Variants in ITPR1 observed in about 807,000 individuals in gnomAD.
ITPR1 encodes the protein inositol 1,4,5-trisphosphate-gated calcium channel ITPR1.
Under a neutral mutation model 318.4 loss-of-function variants are expected in ITPR1, and 96 were observed. The ratio of observed to expected loss-of-function variants is 0.30; its 90% CI spans 0.26 to 0.36. The LOEUF is 0.36. ITPR1 is among the 10% of genes least tolerant of loss of function. The pLI is 1.00. For missense variants in ITPR1, 2,440 were observed against 3,460.2 expected (o/e 0.71, Z 7.40); for synonymous variants, 1,312 against 1,289.9 (o/e 1.02, Z -0.37).
At chr3:4,498,737 A>T (rs147414634) in intron 2 of ITPR1, among the ~76,000 whole-genome samples, 1 of 152,374 alleles carries the variant, frequency 6.6e-6, no homozygotes, top group African/African-American at 2.4e-5. Context: ...TTTGACAAAT[A>T]GGTGAACGTA....
At position 4,645,743 on chromosome 3, in the gene ITPR1, G is replaced by C. The variant is rs372994951; in HGVS notation, c.855+15G>C. 1.6e-4 allele frequency: 251 copies of C among 1,610,310 alleles called. 1 individual carries two copies. The African/African-American group carries it at 3.0e-3, about 19-fold the overall frequency. On this transcript the variant is annotated intron_variant, in intron 10 of 61. Transcript: ENST00000649015. Reference sequence around the variant, plus strand: ...GGGAGGTGGAGGTAAGGGTAGGGTGGAGAAAGGGCTCCTGGGTTTAGAGGA... The same window carrying C: ...GGGAGGTGGAGGTAAGGGTAGGGTGCAGAAAGGGCTCCTGGGTTTAGAGGA...
chr3:4,582,029 A>C (rs950151395), intron 4 of ITPR1, among the ~76,000 whole-genome samples: 1 of 152,074 alleles, frequency 6.6e-6, no homozygotes, highest in Non-Finnish European at 1.5e-5. Context: ...TACGCCTTTA[A>C]AAATTTTAGC....
intron 4 of ITPR1, among the ~76,000 whole-genome samples, chr3:4,565,172 G>T (rs904583833): frequency 6.6e-6 from 1 of 152,128 alleles, no homozygotes. Context: ...TCTGGAGTTT[G>T]TTCTGTGAGC....
At chr3:4,754,049 G>A (rs977720830) in intron 44 of ITPR1, among the ~76,000 whole-genome samples, 4 of 70,080 alleles carry the variant, frequency 5.7e-5, no homozygotes, top group Non-Finnish European at 1.2e-4. Flanking sequence ...CACAGAAAAT[G>A]GGGGGGGGGT....
intron 60 of ITPR1, among the ~76,000 whole-genome samples, chr3:4,823,129 G>A (rs1168096783): frequency 6.6e-6 from 1 of 152,194 alleles, no homozygotes; most frequent in African/African-American, 2.4e-5. Flanking sequence ...GAAAGGCCAT[G>A]CTATTGGAGC....
chr3:4,604,077 A>G (rs2091512468), intron 4 of ITPR1, among the ~76,000 whole-genome samples: 1 of 152,084 alleles, frequency 6.6e-6, no homozygotes, highest in Non-Finnish European at 1.5e-5. Flanking sequence ...GCATTTCTTC[A>G]GTGATTAGTG....
rs765881141 is a variant in ITPR1 at position 4,768,617 on chromosome 3, C to G, written c.5832C>G (p.Pro1944=). 2 of 1,613,974 alleles carry G rather than the reference C, an allele frequency of 1.2e-6. No homozygotes were observed. Among genetic ancestry groups the G allele is most frequent in the Admixed American group, 1.7e-5 (1 of 60,018 alleles). The change falls in exon 46 of 62, where the codon CCC becomes CCG. Residue 1944 remains proline (P), a synonymous_variant. Coordinates refer to ENST00000649015, the MANE Select transcript of ITPR1 (RefSeq NM_001378452.1). ...AFTTFRREAD[P]DDHYQPGEGT... Reference sequence around the variant, plus strand: ...CCACTTTCAGGAGGGAGGCTGATCCCGACGACCACTACCAGCCTGGAGAGG... The same window carrying G: ...CCACTTTCAGGAGGGAGGCTGATCCGGACGACCACTACCAGCCTGGAGAGG...
At chr3:4,529,597 G>A (rs2124947160) in intron 4 of ITPR1, among the ~76,000 whole-genome samples, 1 of 152,274 alleles carries the variant, frequency 6.6e-6, no homozygotes, top group Middle Eastern at 3.4e-3. Context: ...AAAGTCTCCT[G>A]GGGTCAAAGA....
At chr3:4,720,821 A>T (rs1276343508) in intron 40 of ITPR1, among the ~76,000 whole-genome samples, 1 of 152,102 alleles carries the variant, frequency 6.6e-6, no homozygotes, top group Non-Finnish European at 1.5e-5. Flanking sequence ...AGAAACAAAG[A>T]GTGATTAAAT....
intron 39 of ITPR1, among the ~76,000 whole-genome samples, chr3:4,714,591 C>A (rs1398289240): frequency 1.3e-5 from 2 of 152,176 alleles, no homozygotes; most frequent in African/African-American, 4.8e-5. Flanking sequence ...CTGGGTTTCC[C>A]AAATCCCTGT....
intron 54 of ITPR1, 46 bp downstream of exon 54, chr3:4,800,646 T>C (rs747867708): frequency 1.9e-5 from 30 of 1,577,698 alleles, no homozygotes; most frequent in Middle Eastern, 1.7e-4. Flanking sequence ...TGCAGATTAA[T>C]AGGAATGCCT....
chr3:4,603,984 A>G (rs1467637415), intron 4 of ITPR1, among the ~76,000 whole-genome samples: 2 of 152,168 alleles, frequency 1.3e-5, no homozygotes, highest in African/African-American at 2.4e-5. Flanking sequence ...CAACCTCTCT[A>G]ACATCTGTCT....
chr3:4,779,967 T>A lies in ITPR1; in HGVS notation c.6387+322T>A, dbSNP rs1245177511. Among the ~76,000 whole-genome samples the A allele has an allele frequency of 6.6e-6, 1 of 152,022 alleles. No homozygotes were observed. Among genetic ancestry groups the A allele is most frequent in the Non-Finnish European group, 1.5e-5 (1 of 67,970 alleles). The stretch of plus-strand genomic sequence containing the variant: ...GCTGTTTTACCCTCTCCCTTTGGCA[T>A]AAACCACATGGAGAAGCCTCCGTCT... On this transcript the variant is annotated intron_variant, in intron 49 of 61. Coordinates refer to ENST00000649015, the MANE Select transcript of ITPR1 (RefSeq NM_001378452.1). This position sits in a 1 kb window ranked among gnomAD's most constrained non-coding sequence, Gnocchi z 4.0.
intron 4 of ITPR1, among the ~76,000 whole-genome samples, chr3:4,565,005 C>A (rs1220473936): frequency 6.6e-6 from 1 of 152,218 alleles, no homozygotes; most frequent in Non-Finnish European, 1.5e-5. Flanking sequence ...ACAATACCTG[C>A]AAACATTTTG....
intron 46 of ITPR1, 124 bp downstream of exon 46, chr3:4,768,888 C>CG (rs1553737299): frequency 2.0e-5 from 16 of 809,852 alleles, no homozygotes; most frequent in Non-Finnish European, 2.9e-5. Flanking sequence ...CAGCAAGGTT[C>CG]TTTTTTTTCC....
intron 4 of ITPR1, among the ~76,000 whole-genome samples, chr3:4,588,537 G>A (rs1248594878): frequency 2.0e-5 from 3 of 151,960 alleles, no homozygotes; most frequent in Admixed American, 2.0e-4. Context: ...ACCTCTAAAT[G>A]CTGGGCTGGT....
chr3:4,654,838 G>C (rs1016286084), intron 12 of ITPR1, among the ~76,000 whole-genome samples: 2 of 152,172 alleles, frequency 1.3e-5, no homozygotes, highest in African/African-American at 4.8e-5. Flanking sequence ...GTTATGTCTT[G>C]GTGAAATGTT....
chr3:4,599,421 T>TA (rs1490207434), intron 4 of ITPR1, among the ~76,000 whole-genome samples: 1 of 152,224 alleles, frequency 6.6e-6, no homozygotes, highest in Non-Finnish European at 1.5e-5. Flanking sequence ...TTCTGGCTTT[T>TA]GGGGGAAAAT....
In ITPR1 at chr3:4,667,418, T is replaced by A. The variant is rs753800173; in HGVS notation, c.1755T>A (p.Ile585=). 1 of 1,612,848 alleles carries A rather than the reference T, an allele frequency of 6.2e-7. No individual in the cohort carries two copies. Among genetic ancestry groups the A allele is most frequent in the Non-Finnish European group, 8.5e-7 (1 of 1,179,408 alleles). The change falls in exon 18 of 62, where the codon ATT becomes ATA. Residue 585 remains isoleucine, a synonymous_variant. Coordinates refer to ENST00000649015, the MANE Select transcript of ITPR1 (RefSeq NM_001378452.1). Reference sequence around the variant, plus strand: ...AGTTTGGCTTCATGCAGAAGCAGATTGGCTATGATGTGTTGGCTGAAGACA... The same window carrying A: ...AGTTTGGCTTCATGCAGAAGCAGATAGGCTATGATGTGTTGGCTGAAGACA... ...AKQFGFMQKQ[I]GYDVLAEDTI...
Sources: gnomAD v4.1 joint callset for allele counts (sites outside exome capture counted in the v4.1 genomes callset) on GRCh38, gnomAD v4.1.1 for gene constraint, Gnocchi (gnomAD v3.1) non-coding constraint, MANE v1.5 for transcripts, NCBI Gene and HGNC (gene_info 2026-07-23, HGNC 2026-07-21) for gene names.